The following FHIT variants were observed in gnomAD, a reference collection of about 807,000 sequenced individuals.
The protein encoded by FHIT is bis(5'-adenosyl)-triphosphatase.
A neutral mutation model predicts 17.9 loss-of-function variants in FHIT; 19 were observed. That is an observed-to-expected ratio of 1.06 (90% confidence interval 0.74 to 1.56). The LOEUF (loss-of-function observed/expected upper bound fraction) is 1.56. Ranked by LOEUF, FHIT falls within the 40% of genes most tolerant of loss-of-function variation. FHIT has a pLI of 0.00. For synonymous variants in FHIT, 81 were observed against 69.7 expected, an observed-to-expected ratio of 1.16 and a Z score of -0.81; for missense variants, 248 against 189.2, an observed-to-expected ratio of 1.31 and a Z score of -1.82.
intron 4 of FHIT, among the ~76,000 whole-genome samples, chr3:60,688,365 A>G (rs1191741576): frequency 6.6e-6 from 1 of 152,066 alleles, no homozygotes; most frequent in Non-Finnish European, 1.5e-5. Flanking sequence ...TTACAAACAT[A>G]TACTATCCCC....
At chr3:60,339,883 T>G (rs1710431595) in intron 5 of FHIT, among the ~76,000 whole-genome samples, 2 of 152,094 alleles carry the variant, frequency 1.3e-5, no homozygotes, top group South Asian at 4.1e-4. Flanking sequence ...TTGCAGACTT[T>G]GAGATTTTTT....
chr3:60,616,245 TGTTTG>T (rs1219351480), intron 4 of FHIT, among the ~76,000 whole-genome samples: 4 of 152,208 alleles, frequency 2.6e-5, no homozygotes, highest in Admixed American at 2.6e-4. Flanking sequence ...GATGTTTTCT[TGTTTG>T]TTCAGTTTAA....
intron 5 of FHIT, among the ~76,000 whole-genome samples, chr3:60,376,961 G>A (rs748271783): frequency 1.2e-4 from 18 of 152,136 alleles, no homozygotes; most frequent in Non-Finnish European, 2.4e-4. Flanking sequence ...TTGTTTGGCT[G>A]ATTTGTTCAT....
chr3:59,884,205 G>A (rs1703524416), intron 8 of FHIT, among the ~76,000 whole-genome samples: 1 of 152,158 alleles, frequency 6.6e-6, no homozygotes, highest in Admixed American at 6.6e-5. Context: ...AAAGCATTCT[G>A]TGAGAATCAA....
At position 61,130,576 on chromosome 3, in the gene FHIT, T is replaced by C. The variant is rs541746323; in HGVS notation, c.-164+70041A>G. ...AAGATAAATGTTCCCCCAGGCCCTC[T>C]CAAAAAAATAAAAATTTTGGACAAA... is the stretch of plus-strand genomic sequence containing the variant. On this transcript the variant is annotated intron_variant, in intron 2 of 9. Coordinates refer to ENST00000492590, the MANE Select transcript of FHIT (RefSeq NM_002012.4). Among the ~76,000 whole-genome samples the C allele has an allele frequency of 1.1e-4, 17 of 152,140 alleles. No individual in the cohort carries two copies. The East Asian group carries it at 2.9e-3, about 26-fold the overall frequency.
Position 60,932,976 on chromosome 3 carries a change from C to A in FHIT, c.-111+109071G>T, listed in dbSNP as rs148783805. On this transcript the variant is annotated intron_variant, in intron 3 of 9. Coordinates refer to ENST00000492590, the MANE Select transcript of FHIT (RefSeq NM_002012.4). ...CTAGGAGCATAATTGAAGATGAACC[C>A]AAAGATACAGTTATAAGTATGCTCG... is the stretch of plus-strand genomic sequence containing the variant. Among the ~76,000 whole-genome samples the A allele has an allele frequency of 3.1e-3, 471 of 152,112 alleles. 1 individual carries two copies. The highest frequency in any genetic ancestry group is 0.011 in the African/African-American group (450 of 41,502).
intron 2 of FHIT, among the ~76,000 whole-genome samples, chr3:61,147,010 T>A (rs1471508304): frequency 2.6e-5 from 4 of 152,078 alleles, no homozygotes; most frequent in African/African-American, 9.6e-5. Context: ...CCAGTGGAAA[T>A]AAATCCCATA....
intron 7 of FHIT, among the ~76,000 whole-genome samples, chr3:59,977,718 CT>C (rs1361984181): frequency 6.6e-6 from 1 of 152,104 alleles, no homozygotes; most frequent in East Asian, 1.9e-4. Flanking sequence ...CAAAGAGATT[CT>C]CTCATGCCAG....
chr3:61,086,349 T>C (rs1299999456), intron 2 of FHIT, among the ~76,000 whole-genome samples: 1 of 152,190 alleles, frequency 6.6e-6, no homozygotes, highest in East Asian at 1.9e-4. Flanking sequence ...CCTTTTCTGT[T>C]ATTACATCAT....
At chr3:59,941,040 T>A (rs1048393992) in intron 7 of FHIT, among the ~76,000 whole-genome samples, 1 of 152,166 alleles carries the variant, frequency 6.6e-6, no homozygotes, top group African/African-American at 2.4e-5. Context: ...TAGCACTTAG[T>A]AGGCACCCAA....
In FHIT at chr3:59,747,395, A is replaced by T. The variant is rs1700667395; in HGVS notation, c.*2190T>A. 1.3e-5 allele frequency among the ~76,000 whole-genome samples: 2 copies of T among 152,084 alleles called. No homozygotes were observed. The highest frequency in any genetic ancestry group is 4.1e-4 in the South Asian group (2 of 4,822). ...AGCGTATTCAGGGGAAATGTCCTTT[A>T]TAAAACCATCACTATCAATCATGAG... On this transcript the variant is annotated 3_prime_UTR_variant, in exon 10 of 10. Coordinates refer to ENST00000492590, the MANE Select transcript of FHIT (RefSeq NM_002012.4).
At chr3:60,396,229 G>C (rs1481605906) in intron 5 of FHIT, among the ~76,000 whole-genome samples, 1 of 152,116 alleles carries the variant, frequency 6.6e-6, no homozygotes, top group African/African-American at 2.4e-5. Flanking sequence ...ATAAAGAACG[G>C]ATTATGTTTT....
At chr3:60,279,802 C>A (rs1201473578) in intron 5 of FHIT, among the ~76,000 whole-genome samples, 1 of 151,974 alleles carries the variant, frequency 6.6e-6, no homozygotes, top group African/African-American at 2.4e-5. Flanking sequence ...GAGGCCGAGA[C>A]GGGCAGATCA....
At chr3:61,013,140 G>A (rs2031892075) in intron 3 of FHIT, among the ~76,000 whole-genome samples, 1 of 152,008 alleles carries the variant, frequency 6.6e-6, no homozygotes, top group Non-Finnish European at 1.5e-5. Context: ...AGTTTTTCCA[G>A]AAGTCTTTCA....
intron 5 of FHIT, among the ~76,000 whole-genome samples, chr3:60,220,566 A>G (rs1703915136): frequency 6.6e-6 from 1 of 152,176 alleles, no homozygotes; most frequent in Non-Finnish European, 1.5e-5. Flanking sequence ...GGTATACAGT[A>G]TTTTTTAATA....
At chr3:60,090,881 G>T (rs897753406) in intron 5 of FHIT, among the ~76,000 whole-genome samples, 1 of 152,160 alleles carries the variant, frequency 6.6e-6, no homozygotes, top group Non-Finnish European at 1.5e-5. Context: ...GGTAAGGTCC[G>T]CAAGGTGGAA....
At chr3:60,588,574 G>A (rs1052114671) in intron 4 of FHIT, among the ~76,000 whole-genome samples, 2 of 152,020 alleles carry the variant, frequency 1.3e-5, no homozygotes, top group Non-Finnish European at 1.5e-5. Flanking sequence ...GCCCACTCCA[G>A]ACCAACTGAT....
rs141537867 is a variant in FHIT at position 60,885,921 on chromosome 3, C to T, written c.-110-63910G>A. ...AGGAATATCCTCAATGCCTGACTTA[C>T]CATATTCATTTATTGGCTCCCATAT... On this transcript the variant is annotated intron_variant, in intron 3 of 9. Coordinates refer to ENST00000492590, the MANE Select transcript of FHIT (RefSeq NM_002012.4). Among the ~76,000 whole-genome samples, 267 of 150,960 alleles carry T rather than the reference C, an allele frequency of 1.8e-3. 1 individual carries two copies. Among genetic ancestry groups the T allele is most frequent in the Middle Eastern group, 6.8e-3 (2 of 292 alleles).
At chr3:60,600,427 A>T (rs1358699013) in intron 4 of FHIT, among the ~76,000 whole-genome samples, 3 of 152,108 alleles carry the variant, frequency 2.0e-5, no homozygotes, top group Admixed American at 2.0e-4. Flanking sequence ...ACAGAATCAC[A>T]CTCCCCACCT....
Sources: allele counts gnomAD v4.1 joint callset (sites outside exome capture counted in the v4.1 genomes callset), GRCh38; gene constraint gnomAD v4.1.1; transcripts MANE v1.5; gene names NCBI Gene and HGNC (gene_info 2026-07-23, HGNC 2026-07-21).